Variants in FHIT observed in about 807,000 individuals in gnomAD.
FHIT encodes the protein fragile histidine triad diadenosine triphosphatase.
Under a neutral mutation model 17.9 loss-of-function variants are expected in FHIT, and 19 were observed. The observed-to-expected ratio is 1.06, with a 90% CI of 0.74 to 1.56. FHIT has a LOEUF of 1.56. Among genes scored for constraint, FHIT ranks in the 40% most tolerant of loss-of-function variants. The probability of loss-of-function intolerance (pLI) is 0.00; values close to 1 mark genes in which losing one functional copy is unlikely to be tolerated. For synonymous variants in FHIT, 81 were observed against 69.7 expected (o/e 1.16, Z -0.81); for missense variants, 248 against 189.2 (o/e 1.31, Z -1.82).
chr3:60,711,049 C>A (rs1348706893), intron 4 of FHIT, among the ~76,000 whole-genome samples: 7 of 152,182 alleles, frequency 4.6e-5, no homozygotes, highest in African/African-American at 1.7e-4. Context: ...TGACACCTCA[C>A]ACGGCTGGGT....
At chr3:60,564,756 G>C (rs902902587) in intron 4 of FHIT, among the ~76,000 whole-genome samples, 1 of 152,162 alleles carries the variant, frequency 6.6e-6, no homozygotes, top group Non-Finnish European at 1.5e-5. Context: ...GGTGAGCAAA[G>C]AAAGTGATTT....
chr3:61,130,391 C>G (rs2036729849), intron 2 of FHIT, among the ~76,000 whole-genome samples: 1 of 152,146 alleles, frequency 6.6e-6, no homozygotes, highest in Non-Finnish European at 1.5e-5. Flanking sequence ...GTACAAAATT[C>G]CCAAATCCAC....
intron 8 of FHIT, among the ~76,000 whole-genome samples, chr3:59,838,663 G>C (rs989396181): frequency 9.2e-5 from 14 of 152,168 alleles, no homozygotes; most frequent in Non-Finnish European, 2.1e-4. Flanking sequence ...AGCGGTGAGA[G>C]TTTTGATCCA....
At chr3:61,008,353 C>T (rs983600777) in intron 3 of FHIT, among the ~76,000 whole-genome samples, 5 of 152,186 alleles carry the variant, frequency 3.3e-5, no homozygotes, top group African/African-American at 1.2e-4. Context: ...GCAGAAGTCA[C>T]TAACTGATTC....
intron 5 of FHIT, among the ~76,000 whole-genome samples, chr3:60,420,645 CT>C (rs1159333374): frequency 1.3e-5 from 2 of 152,104 alleles, no homozygotes; most frequent in Non-Finnish European, 2.9e-5. Flanking sequence ...TTCCTTTTTA[CT>C]GGCTATTTCT....
intron 4 of FHIT, among the ~76,000 whole-genome samples, chr3:60,632,620 C>T (rs1170498118): frequency 1.3e-5 from 2 of 152,268 alleles, no homozygotes; most frequent in South Asian, 2.1e-4. Flanking sequence ...AAGAATACCT[C>T]GGAGATAAAC....
chr3:59,787,249 T>G (rs1057377832), intron 8 of FHIT, among the ~76,000 whole-genome samples: 1 of 152,222 alleles, frequency 6.6e-6, no homozygotes, highest in African/African-American at 2.4e-5. Context: ...CAGGTCTGTA[T>G]GACTCTAAAT....
intron 7 of FHIT, among the ~76,000 whole-genome samples, chr3:59,947,305 A>C (rs1338845824): frequency 6.6e-6 from 1 of 152,174 alleles, no homozygotes; most frequent in Non-Finnish European, 1.5e-5. Flanking sequence ...GCATAGAAGT[A>C]GTAGTAATAG....
intron 7 of FHIT, among the ~76,000 whole-genome samples, chr3:59,959,707 T>C (rs1039286101): frequency 6.6e-6 from 1 of 152,200 alleles, no homozygotes; most frequent in Admixed American, 6.5e-5. Context: ...CCTCACAGTG[T>C]TCACAGTCTA....
At chr3:60,206,900 C>G (rs1167501343) in intron 5 of FHIT, among the ~76,000 whole-genome samples, 2 of 152,100 alleles carry the variant, frequency 1.3e-5, no homozygotes, top group African/African-American at 4.8e-5. Context: ...AGTTTAATTT[C>G]ACATATATTT....
chr3:60,058,046 G>C (rs977676020), intron 5 of FHIT, among the ~76,000 whole-genome samples: 17 of 148,196 alleles, frequency 1.1e-4, no homozygotes, highest in Non-Finnish European at 2.2e-4. Flanking sequence ...AGACAGAAAA[G>C]TAGAACACAG....
chr3:60,256,549 TAA>T (rs926769877), intron 5 of FHIT, among the ~76,000 whole-genome samples: 7 of 152,326 alleles, frequency 4.6e-5, no homozygotes, highest in African/African-American at 1.7e-4. Flanking sequence ...TAACTAAGGC[TAA>T]GAGAGGACAG....
intron 5 of FHIT, among the ~76,000 whole-genome samples, chr3:60,319,465 A>G (rs1325309583): frequency 6.6e-6 from 1 of 152,152 alleles, no homozygotes; most frequent in East Asian, 1.9e-4. Flanking sequence ...AAAAAAAACA[A>G]CGAACAGAGT....
At chr3:61,246,920 C>T (rs1287834767) in intron 1 of FHIT, among the ~76,000 whole-genome samples, 2 of 152,072 alleles carry the variant, frequency 1.3e-5, no homozygotes, top group Non-Finnish European at 2.9e-5. Context: ...CCTCTGCAGC[C>T]TTATTCTCTC....
At chr3:60,421,086 ATG>A (rs1702447883) in intron 5 of FHIT, among the ~76,000 whole-genome samples, 2 of 147,558 alleles carry the variant, frequency 1.4e-5, no homozygotes, top group African/African-American at 5.0e-5. Context: ...GACAGTTTTG[ATG>A]AGATGGCTAG....
chr3:60,521,306 G>T (rs1178912864), intron 5 of FHIT, among the ~76,000 whole-genome samples: 1 of 152,050 alleles, frequency 6.6e-6, no homozygotes, highest in Non-Finnish European at 1.5e-5. Flanking sequence ...GGAGTGCAAT[G>T]GCATGATCTC....
chr3:60,191,856 C>T lies in FHIT; in HGVS notation c.104-177704G>A, dbSNP rs1017999455. On this transcript the variant is annotated intron_variant, in intron 5 of 9. Transcript: ENST00000492590. ...TAAACATTTTTACAGTGGGAGAAAC[C>T]CAAAAGAAAAGACTAACAAAGCCAA... Among the ~76,000 whole-genome samples the T allele has an allele frequency of 2.0e-5, 3 of 151,250 alleles. No homozygotes were observed. The East Asian group carries it at 5.8e-4, about 29-fold the overall frequency.
chr3:60,798,504 T>C (rs1440860135), intron 4 of FHIT, among the ~76,000 whole-genome samples: 1 of 152,154 alleles, frequency 6.6e-6, no homozygotes. Flanking sequence ...TGGCAGAGGA[T>C]AAAAAACACT....
chr3:60,540,761 TACTATGG>T, intron 4 of FHIT, among the ~76,000 whole-genome samples: 1 of 152,338 alleles, frequency 6.6e-6, no homozygotes, highest in South Asian at 2.1e-4. Flanking sequence ...AAATGTCACT[TACTATGG>T]ACACACCCAC....
Sources: gnomAD v4.1 joint callset for allele counts (sites outside exome capture counted in the v4.1 genomes callset) on GRCh38, gnomAD v4.1.1 for gene constraint, MANE v1.5 for transcripts, NCBI Gene and HGNC (gene_info 2026-07-23, HGNC 2026-07-21) for gene names.